SLC6A4: variants seen among roughly 807,000 people sequenced by gnomAD.
SLC6A4 encodes the protein solute carrier family 6 member 4.
SLC6A4 carries 22 observed loss-of-function variants against 73.4 expected under a neutral mutation model. That is an observed-to-expected ratio of 0.30 (90% CI 0.21 to 0.43). The LOEUF (loss-of-function observed/expected upper bound fraction) is 0.43. Among genes scored for constraint, SLC6A4 ranks in the 20% least tolerant of loss-of-function variants. The pLI is 1.00. For synonymous variants in SLC6A4, 270 were observed against 315.5 expected, an observed-to-expected ratio of 0.86 and a Z score of 1.53; for missense variants, 593 against 808.5, an observed-to-expected ratio of 0.73 and a Z score of 3.23.
intron 2 of SLC6A4, 46 bp downstream of exon 2, chr17:30,222,773 A>G (rs1471013462): frequency 1.5e-6 from 2 of 1,301,722 alleles, no homozygotes. Context: ...CGTTCCCATT[A>G]TGCATTTGCA....
chr17:30,211,313 G>C lies in SLC6A4; in HGVS notation c.1316C>G (p.Thr439Arg). ...LMLITLGLDS[T>R]FAGLEGVITA... ...CATTTCCCCTTCCCATTTCCTCACC[G>C]TGCTGTCCAAGCCCAGCGTGATTAA... Residue 439 changes from threonine (T) to arginine (R), a missense_variant and splice_region_variant, in exon 10 of 15, where the codon ACG (threonine) becomes AGG (arginine). Transcript: ENST00000650711. The surrounding 1 kb of genome is among the most constrained non-coding windows in gnomAD (Gnocchi z 4.0). 6.3e-7 allele frequency: 1 copy of C among 1,583,412 alleles called. No homozygotes were observed. The highest frequency in any genetic ancestry group is 8.7e-7 in the Non-Finnish European group (1 of 1,152,794).
chr17:30,229,973 C>T (rs557624518), intron 1 of SLC6A4, among the ~76,000 whole-genome samples: 2 of 151,196 alleles, frequency 1.3e-5, no homozygotes, highest in Admixed American at 6.6e-5. Context: ...GAGCTGAGAT[C>T]GGGCCATTGC....
At chr17:30,217,332 T>G (rs749144459) in intron 5 of SLC6A4, 28 bp from the exon 6 acceptor site, 1 of 1,607,454 alleles carries the variant, frequency 6.2e-7, no homozygotes, top group Non-Finnish European at 8.5e-7. Flanking sequence ...GAAAGGCCCC[T>G]GAGAGGCTCT....
At chr17:30,214,492 C>CATCA (rs1906490600) in intron 8 of SLC6A4, among the ~76,000 whole-genome samples, 1 of 149,670 alleles carries the variant, frequency 6.7e-6, no homozygotes, top group African/African-American at 2.5e-5. Context: ...ATAATGTGAT[C>CATCA]ATCATACTTT....
At chr17:30,212,616 G>A in intron 9 of SLC6A4, 124 bp downstream of exon 9, 1 of 1,139,760 alleles carries the variant, frequency 8.8e-7, no homozygotes, top group Middle Eastern at 2.1e-4. Context: ...ACTCCACCAT[G>A]CCCAGCCTTC....
At chr17:30,219,183 C>T (rs948005611) in intron 3 of SLC6A4, among the ~76,000 whole-genome samples, 13 of 152,110 alleles carry the variant, frequency 8.5e-5, no homozygotes, top group African/African-American at 2.9e-4. Flanking sequence ...GTTTGGGAGT[C>T]GACAGAACAG....
chr17:30,221,033 G>A lies in SLC6A4; in HGVS notation c.343+583C>T, dbSNP rs575457447. On this transcript the variant is annotated intron_variant, in intron 3 of 14. Transcript: ENST00000650711. The stretch of plus-strand genomic sequence containing the variant: ...GCTCTGTCGCCTAGGCTGGAGTGCA[G>A]TGGTGCCATCTCGGCTCACTGCAAC... 3.4e-5 allele frequency among the ~76,000 whole-genome samples: 5 copies of A among 145,704 alleles called. No homozygotes were observed. The South Asian group carries it at 1.1e-3, about 32-fold the overall frequency.
At position 30,221,866 on chromosome 17, in the gene SLC6A4, A is replaced by T; in HGVS notation, c.93T>A (p.Val31=). Reference sequence around the variant, plus strand: ...ACTCCACTTTGTCCCCTGGGGTGGGAACAACCTTCTGTAGAACTCCGTTTT... The same window carrying T: ...ACTCCACTTTGTCCCCTGGGGTGGGTACAACCTTCTGTAGAACTCCGTTTT... ...CQENGVLQKV[V]PTPGDKVESG... The change falls in exon 3 of 15, where the codon GTT becomes GTA. Residue 31 remains valine, a synonymous_variant. Transcript: ENST00000650711. 1 of 1,614,110 alleles carries T rather than the reference A, an allele frequency of 6.2e-7. No individual in the cohort carries two copies. The highest frequency in any genetic ancestry group is 8.5e-7 in the Non-Finnish European group (1 of 1,180,006).
rs139250817 is a variant in SLC6A4 at position 30,230,196 on chromosome 17, G to A, written c.-221+5417C>T. On this transcript the variant is annotated intron_variant, in intron 1 of 14. Transcript: ENST00000650711. ...GAAGTTGGTGACATGAATTGCTTGT[G>A]ACACATAATTTCACAACTTACAACT... 1.3e-3 allele frequency among the ~76,000 whole-genome samples: 198 copies of A among 152,134 alleles called. 3 individuals are homozygous for A. The highest frequency in any genetic ancestry group is 4.6e-3 in the African/African-American group (192 of 41,482).
chr17:30,213,192 G>T (rs1906442330), intron 8 of SLC6A4, among the ~76,000 whole-genome samples: 1 of 152,202 alleles, frequency 6.6e-6, no homozygotes, highest in South Asian at 2.1e-4. Flanking sequence ...AGGTTGGAGT[G>T]GGGGCCAGGA....
rs542994992 is a variant in SLC6A4 at position 30,222,841 on chromosome 17, C to A, written c.-146G>T. 1 of 1,304,436 alleles carries A rather than the reference C, an allele frequency of 7.7e-7. No homozygotes were observed. The highest frequency in any genetic ancestry group is 2.3e-5 in the Admixed American group (1 of 43,548). The allele number at this position is 1,304,436 out of a possible 1,614,324, so 80.8% of individuals were successfully genotyped here. A position where few individuals can be genotyped will look rare whatever the true frequency, so the allele number is the denominator to read the frequency against. The stretch of plus-strand genomic sequence containing the variant: ...CACCATTTGTTCTTCTTTCCACTTG[C>A]CAGCAACTCCTGTGGCTAAGCCCCT... On this transcript the variant is annotated 5_prime_UTR_variant, in exon 2 of 15. Coordinates refer to ENST00000650711, the MANE Select transcript of SLC6A4 (RefSeq NM_001045.6).
At position 30,203,288 on chromosome 17, in the gene SLC6A4, A is replaced by C; in HGVS notation, c.1702T>G (p.Tyr568Asp). Residue 568 changes from tyrosine to aspartate, a missense_variant, in exon 14 of 15, where the codon TAT (tyrosine) becomes GAT (aspartate). By Grantham distance (160) the Tyr-to-Asp change is radical. Coordinates refer to ENST00000650711, the MANE Select transcript of SLC6A4 (RefSeq NM_001045.6). Reference protein sequence around the residue: ...MSPPQLRLFQYNYPYWSIILG... With the variant: ...MSPPQLRLFQDNYPYWSIILG... ...ATGATACTCCAGTAAGGATAATTAT[A>C]TTGGAAAAGTCGTAGTTGTGGCGGG... is the stretch of plus-strand genomic sequence containing the variant. 6.2e-7 allele frequency: 1 copy of C among 1,614,092 alleles called. No homozygotes were observed. The highest frequency in any genetic ancestry group is 8.5e-7 in the Non-Finnish European group (1 of 1,179,928).
At position 30,218,357 on chromosome 17, in the gene SLC6A4, G is replaced by A. The variant is rs775852726; in HGVS notation, c.479-20C>T. On this transcript the variant is annotated intron_variant, in intron 4 of 14. Coordinates refer to ENST00000650711, the MANE Select transcript of SLC6A4 (RefSeq NM_001045.6). ...CAATCCCTGGGCAGTGGGTGAGATG[G>A]AGAGACAGAGGCCGAGTTTAAGGGT... is the stretch of plus-strand genomic sequence containing the variant. The A allele has an allele frequency of 2.5e-6, 4 of 1,592,852 alleles. No homozygotes were observed. In the African/African-American group the frequency reaches 5.4e-5, roughly 21 times the overall value.
chr17:30,216,880 A>C (rs1906595144), intron 6 of SLC6A4, among the ~76,000 whole-genome samples: 1 of 150,344 alleles, frequency 6.7e-6, no homozygotes, highest in African/African-American at 2.4e-5. Context: ...TGTTTGTTTA[A>C]GTAGAGATGA....
At position 30,219,422 on chromosome 17, in the gene SLC6A4, G is replaced by A. The variant is rs115171892; in HGVS notation, c.344-491C>T. ...GTGTTCAAGCTCCCTAGGTGATTCC[G>A]ATGCAGCCAGTACCTGGGACCCTTG... On this transcript the variant is annotated intron_variant, in intron 3 of 14. Coordinates refer to ENST00000650711, the MANE Select transcript of SLC6A4 (RefSeq NM_001045.6). 4.4e-3 allele frequency among the ~76,000 whole-genome samples: 670 copies of A among 152,264 alleles called. 3 individuals carry two copies. The highest frequency in any genetic ancestry group is 0.015 in the African/African-American group (627 of 41,546).
chr17:30,198,106 C>T lies in SLC6A4; in HGVS notation c.*350G>A, dbSNP rs567262768. Reference sequence around the variant, plus strand: ...TTAGAAGCAAACAGATATCAGATACCAATGATCATACCAAGAAATGATACA... The same window carrying T: ...TTAGAAGCAAACAGATATCAGATACTAATGATCATACCAAGAAATGATACA... On this transcript the variant is annotated 3_prime_UTR_variant, in exon 15 of 15. Coordinates refer to ENST00000650711, the MANE Select transcript of SLC6A4 (RefSeq NM_001045.6). 1.7e-5 allele frequency: 4 copies of T among 235,116 alleles called. No individual in the cohort carries two copies. The highest frequency in any genetic ancestry group is 4.5e-5 in the African/African-American group (2 of 44,378). 14.6% of individuals were successfully genotyped at this position (235,116 alleles called of 1,614,324 possible).
chr17:30,225,748 C>G (rs1049142526), intron 1 of SLC6A4, among the ~76,000 whole-genome samples: 3 of 152,150 alleles, frequency 2.0e-5, no homozygotes, highest in Non-Finnish European at 4.4e-5. Context: ...AGCTGGCAGA[C>G]AGAAGCTTCG....
In SLC6A4 at chr17:30,230,104, A is replaced by AGAAGAAGAAGAAGAAGAAGAG. The variant is rs1312487384; in HGVS notation, c.-221+5508_-221+5509insCTCTTCTTCTTCTTCTTCTTC. Among the ~76,000 whole-genome samples, 17 of 119,910 alleles carry AGAAGAAGAAGAAGAAGAAGAG rather than the reference A, an allele frequency of 1.4e-4. No homozygotes were observed. In the East Asian group the frequency reaches 3.7e-3, roughly 26 times the overall value. 78.7% of individuals were successfully genotyped at this position (119,910 alleles called of 152,430 possible). On this transcript the variant is annotated intron_variant, in intron 1 of 14. Coordinates refer to ENST00000650711, the MANE Select transcript of SLC6A4 (RefSeq NM_001045.6). ...AAGAAGAAGAAGAAGAAGAGGAGGAAGAGGAAGAGGAAGAGGAAGAGGAGG... is the reference window on the plus strand; with the variant it reads ...AAGAAGAAGAAGAAGAAGAGGAGGAAGAAGAAGAAGAAGAAGAAGAGGAGGAAGAGGAAGAGGAAGAGGAGG...
chr17:30,209,329 G>T, intron 11 of SLC6A4, 87 bp from the exon 12 acceptor site: 1 of 827,314 alleles, frequency 1.2e-6, no homozygotes, highest in Non-Finnish European at 2.0e-6. Context: ...TCCTCACTTA[G>T]AATCATTCTG....
Sources: allele counts gnomAD v4.1 joint callset (sites outside exome capture counted in the v4.1 genomes callset), GRCh38; gene constraint gnomAD v4.1.1; non-coding constraint Gnocchi (gnomAD v3.1); transcripts MANE v1.5; gene names NCBI Gene and HGNC (gene_info 2026-07-23, HGNC 2026-07-21).